The following HPSE2 variants were observed in gnomAD, a reference collection of about 807,000 sequenced individuals.
The protein encoded by HPSE2 is heparanase 2 (inactive).
A neutral mutation model predicts 60.5 loss-of-function variants in HPSE2; 38 were observed. That is an observed-to-expected ratio of 0.63 (90% confidence interval 0.48 to 0.82). The LOEUF (loss-of-function observed/expected upper bound fraction) is 0.82. Among genes scored for constraint, HPSE2 ranks in the 40% least tolerant of loss-of-function variants. HPSE2 has a pLI of 0.00. For missense variants in HPSE2, 713 were observed against 740.4 expected (o/e 0.96, Z 0.43); for synonymous variants, 295 against 293.2 (o/e 1.01, Z -0.06).
At chr10:99,086,507 T>C (rs994747865) in intron 3 of HPSE2, among the ~76,000 whole-genome samples, 1 of 150,582 alleles carries the variant, frequency 6.6e-6, no homozygotes, top group African/African-American at 2.4e-5. Context: ...CGCCCGCCAC[T>C]ACGCCCGGCT....
chr10:98,862,031 C>G (rs186767182), intron 3 of HPSE2, among the ~76,000 whole-genome samples: 2 of 152,234 alleles, frequency 1.3e-5, no homozygotes, highest in Non-Finnish European at 2.9e-5. Flanking sequence ...AAAGTATGTG[C>G]TGTTAGTTAA....
chr10:98,513,818 T>C (rs1942500448), intron 9 of HPSE2, among the ~76,000 whole-genome samples: 1 of 152,210 alleles, frequency 6.6e-6, no homozygotes, highest in African/African-American at 2.4e-5. Context: ...AATTGTCAAA[T>C]GGTACAGCCA....
intron 2 of HPSE2, among the ~76,000 whole-genome samples, chr10:99,159,238 T>C (rs1007880866): frequency 1.3e-5 from 2 of 152,080 alleles, no homozygotes; most frequent in African/African-American, 4.8e-5. Flanking sequence ...AAAAGATTAA[T>C]ACAACTGAAA....
At chr10:98,816,195 A>T (rs906297996) in intron 3 of HPSE2, among the ~76,000 whole-genome samples, 88 of 152,272 alleles carry the variant, frequency 5.8e-4, no homozygotes, top group African/African-American at 1.4e-3. Flanking sequence ...AAAATAATTT[A>T]AAAAAAGATT....
chr10:99,221,706 G>A (rs1326210643), intron 2 of HPSE2, among the ~76,000 whole-genome samples: 1 of 152,098 alleles, frequency 6.6e-6, no homozygotes, highest in Non-Finnish European at 1.5e-5. Flanking sequence ...ATATCCAGAG[G>A]GTTAGAAATG....
chr10:98,909,009 G>A (rs1027099307), intron 3 of HPSE2, among the ~76,000 whole-genome samples: 2 of 152,106 alleles, frequency 1.3e-5, no homozygotes, highest in African/African-American at 2.4e-5. Context: ...CTCCAGGCCC[G>A]AATCTATGTG....
intron 3 of HPSE2, among the ~76,000 whole-genome samples, chr10:98,938,179 C>T (rs1262943501): frequency 1.4e-5 from 2 of 144,644 alleles, no homozygotes; most frequent in Admixed American, 6.8e-5. Context: ...AAAAGCAGAG[C>T]ACCTCTCCTC....
intron 2 of HPSE2, among the ~76,000 whole-genome samples, chr10:99,154,813 GGA>G (rs1846460907): frequency 2.0e-5 from 3 of 151,928 alleles, no homozygotes; most frequent in Admixed American, 2.0e-4. Context: ...CTGGCAAATT[GGA>G]TAAAGAGTCA....
chr10:99,288,748 CAAAAAAAAAAAAA>C, the HPSE2 span, among the ~76,000 whole-genome samples: 1 of 75,806 alleles, frequency 1.3e-5, no homozygotes, highest in Non-Finnish European at 2.2e-5. Context: ...CAGCCTCAAG[CAAAAAAAAAAAAA>C]AAAAAAAAGA....
intron 3 of HPSE2, among the ~76,000 whole-genome samples, chr10:99,017,022 C>G (rs1363267550): frequency 6.6e-6 from 1 of 152,032 alleles, no homozygotes; most frequent in Non-Finnish European, 1.5e-5. Context: ...CCTTTTATTT[C>G]TTTTTCTTGC....
At chr10:98,977,356 T>C (rs1956108227) in intron 3 of HPSE2, among the ~76,000 whole-genome samples, 1 of 152,216 alleles carries the variant, frequency 6.6e-6, no homozygotes, top group African/African-American at 2.4e-5. Context: ...AAAAACTGTG[T>C]GACCTTATGC....
intron 3 of HPSE2, among the ~76,000 whole-genome samples, chr10:99,063,528 G>A (rs577454621): frequency 2.4e-4 from 36 of 152,320 alleles, no homozygotes; most frequent in African/African-American, 8.4e-4. Context: ...TGAAAAGAGT[G>A]TAAACCATTT....
At chr10:99,297,926 C>T in the HPSE2 span, among the ~76,000 whole-genome samples, 1 of 152,170 alleles carries the variant, frequency 6.6e-6, no homozygotes, top group African/African-American at 2.4e-5. Flanking sequence ...GTTGGTCTTG[C>T]CTTTTTCTGC....
chr10:98,921,715 C>T (rs1284012024), intron 3 of HPSE2, among the ~76,000 whole-genome samples: 1 of 152,166 alleles, frequency 6.6e-6, no homozygotes, highest in East Asian at 1.9e-4. Flanking sequence ...CTTTCATATT[C>T]CCCAGCAGCT....
chr10:98,484,875 A>G (rs1175466771), intron 10 of HPSE2, among the ~76,000 whole-genome samples: 1 of 152,140 alleles, frequency 6.6e-6, no homozygotes, highest in African/African-American at 2.4e-5. Flanking sequence ...TGTAGGAAAA[A>G]ATGCTTAGTT....
chr10:99,103,646 A>G (rs1261978908), intron 3 of HPSE2, among the ~76,000 whole-genome samples: 1 of 152,200 alleles, frequency 6.6e-6, no homozygotes, highest in Non-Finnish European at 1.5e-5. Flanking sequence ...TAAAGTTCAT[A>G]TGGAACCAAA....
intron 3 of HPSE2, among the ~76,000 whole-genome samples, chr10:98,985,818 C>CA (rs1956329979): frequency 6.6e-6 from 1 of 151,376 alleles, no homozygotes; most frequent in Non-Finnish European, 1.5e-5. Context: ...AAACGGAAAA[C>CA]AAAAAAAGGC....
At chr10:98,747,210 T>C (rs1325160984) in intron 3 of HPSE2, among the ~76,000 whole-genome samples, 1 of 152,124 alleles carries the variant, frequency 6.6e-6, no homozygotes, top group Non-Finnish European at 1.5e-5. Context: ...TCATCCATAG[T>C]TTCAATGACA....
intron 3 of HPSE2, among the ~76,000 whole-genome samples, chr10:98,908,683 C>CAAAAAAAAAAAAA (rs35913499): frequency 1.5e-5 from 1 of 66,128 alleles, no homozygotes; most frequent in Non-Finnish European, 2.7e-5. Flanking sequence ...AGCTCCATCT[C>CAAAAAAAAAAAAA]AAAAAAAAAA....
Sources: gnomAD v4.1 joint callset for allele counts (sites outside exome capture counted in the v4.1 genomes callset) on GRCh38, gnomAD v4.1.1 for gene constraint, MANE v1.5 for transcripts, NCBI Gene and HGNC (gene_info 2026-07-23, HGNC 2026-07-21) for gene names.